Variants in CSMD1 observed in about 807,000 individuals in gnomAD.
CSMD1 encodes CUB and sushi domain-containing protein 1.
A neutral mutation model predicts 417.5 loss-of-function variants in CSMD1; 213 were observed. The observed-to-expected ratio is 0.51, with a 90% CI of 0.46 to 0.57. The LOEUF is 0.57. CSMD1 is among the 20% of genes least tolerant of loss of function. The pLI is 0.00. For synonymous variants in CSMD1, 2,862 were observed against 1,736.8 expected, an observed-to-expected ratio of 1.65 and a Z score of -16.11; for missense variants, 6,923 against 4,529.7, an observed-to-expected ratio of 1.53 and a Z score of -15.17.
At chr8:4,661,462 T>G (rs182795934) in intron 1 of CSMD1, among the ~76,000 whole-genome samples, 73 of 152,250 alleles carry the variant, frequency 4.8e-4, no homozygotes, top group African/African-American at 1.7e-3. Flanking sequence ...GGAGAACAGA[T>G]TATTCATTGC....
chr8:4,483,947 G>T (rs1050306410), intron 2 of CSMD1, among the ~76,000 whole-genome samples: 17 of 152,230 alleles, frequency 1.1e-4, no homozygotes, highest in African/African-American at 4.1e-4. Flanking sequence ...TAATGTCGTT[G>T]TCTCTCATTG....
At chr8:4,053,678 A>C (rs189541061) in intron 3 of CSMD1, among the ~76,000 whole-genome samples, 1 of 152,202 alleles carries the variant, frequency 6.6e-6, no homozygotes, top group East Asian at 1.9e-4. Flanking sequence ...CAAAAATAGC[A>C]GGTTAAAATC....
rs1563200912 is a variant in CSMD1, at chr8:2,978,620, T to C, written c.8558A>G (p.Lys2853Arg). ...GAATAACCCTGACTTACCCAAACAC[T>C]TGGGCAGGGATCGGTCCCATAAGCC... ...ANGLWDRSLP[K>R]CLAISCGHPG... The change falls in exon 55 of 70, where the codon AAG becomes AGG. Residue 2853 changes from lysine (K) to arginine (R), a missense_variant. Lys to Arg is a conservative substitution (Grantham distance 26). Transcript: ENST00000635120. 2.5e-6 allele frequency: 4 copies of C among 1,588,912 alleles called. No homozygotes were observed. The highest frequency in any genetic ancestry group is 4.5e-5 in the East Asian group (2 of 43,990).
chr8:4,508,305 A>G (rs1802640327), intron 2 of CSMD1, among the ~76,000 whole-genome samples: 1 of 152,132 alleles, frequency 6.6e-6, no homozygotes, highest in Non-Finnish European at 1.5e-5. Context: ...AAAGATAAAG[A>G]TGATATGTTT....
chr8:4,626,934 T>G (rs1292389121), intron 2 of CSMD1, among the ~76,000 whole-genome samples: 1 of 152,280 alleles, frequency 6.6e-6, no homozygotes, highest in East Asian at 1.9e-4. Flanking sequence ...ATAAACAAAG[T>G]GCATCAGATT....
intron 1 of CSMD1, among the ~76,000 whole-genome samples, chr8:4,793,259 A>G (rs1250756930): frequency 3.9e-5 from 6 of 152,170 alleles, no homozygotes; most frequent in Non-Finnish European, 7.3e-5. Context: ...ACAAGACCTA[A>G]TCTATGTATT....
chr8:3,320,379 C>T (rs866517085), intron 23 of CSMD1, among the ~76,000 whole-genome samples: 3 of 152,116 alleles, frequency 2.0e-5, no homozygotes, highest in Admixed American at 6.5e-5. Flanking sequence ...TTGGCTCCCC[C>T]ATGCTGTAGC....
In CSMD1 at chr8:3,734,430, G is replaced by A. The variant is rs1038847679; in HGVS notation, c.931+19500C>T. Among the ~76,000 whole-genome samples the A allele has an allele frequency of 3.0e-4, 45 of 152,200 alleles. 1 individual carries two copies. The highest frequency in any genetic ancestry group is 1.0e-4 in the Non-Finnish European group (7 of 68,048). On this transcript the variant is annotated intron_variant, in intron 6 of 69. Coordinates refer to ENST00000635120, the MANE Select transcript of CSMD1 (RefSeq NM_033225.6). ...GCTCAATTTAAAATACAGAAACTCT[G>A]CCAGGTGCGATGGCTCACGCCTGTA...
At chr8:4,185,473 C>G (rs868548719) in intron 3 of CSMD1, among the ~76,000 whole-genome samples, 4 of 152,090 alleles carry the variant, frequency 2.6e-5, no homozygotes, top group Non-Finnish European at 4.4e-5. Flanking sequence ...CATACAGACT[C>G]AATACAGATC....
At chr8:3,365,455 T>G (rs35343399) in intron 20 of CSMD1, among the ~76,000 whole-genome samples, 3,291 of 152,310 alleles carry the variant, frequency 0.022, 47 homozygotes, top group Middle Eastern at 0.068. Flanking sequence ...AATTGTGAAG[T>G]TCTTATTACA....
intron 2 of CSMD1, among the ~76,000 whole-genome samples, chr8:4,599,363 AAT>A (rs770436471): frequency 6.7e-6 from 1 of 149,282 alleles, no homozygotes. Flanking sequence ...ACCCTGGAAG[AAT>A]TTTTTTTTTT....
Position 3,284,198 on chromosome 8 carries a change from G to A in CSMD1, c.4099C>T (p.Gln1367Ter). Residue 1367 changes from glutamine (Q) to a stop codon, truncating the protein, a stop_gained, in exon 26 of 70, where the codon CAG becomes TAG. Transcript: ENST00000635120. LOFTEE classifies it high-confidence loss of function. Reference protein sequence around the residue: ...IHSTFNSLTLQFDSDFFISKS... With the variant: ...IHSTFNSLTL ...CTGATGAAGAAGTCGCTGTCGAACT[G>A]CAGGGTGAGTGAGTTGAAGGTGCTG... 6.2e-7 allele frequency: 1 copy of A among 1,605,754 alleles called. No homozygotes were observed. The highest frequency in any genetic ancestry group is 8.5e-7 in the Non-Finnish European group (1 of 1,176,238).
At chr8:4,788,726 T>A (rs373781512) in intron 1 of CSMD1, 3 of 453,280 alleles carry the variant, frequency 6.6e-6, no homozygotes, top group Non-Finnish European at 1.2e-5. Context: ...CTTCTCTAGA[T>A]CCATACTAAT....
intron 50 of CSMD1, among the ~76,000 whole-genome samples, chr8:3,036,141 A>C (rs552351846): frequency 6.6e-6 from 1 of 152,340 alleles, no homozygotes; most frequent in South Asian, 2.1e-4. Flanking sequence ...AATACTTTGC[A>C]TTTTACTTAA....
At chr8:3,619,789 G>A (rs1278581919) in intron 7 of CSMD1, among the ~76,000 whole-genome samples, 3 of 152,120 alleles carry the variant, frequency 2.0e-5, no homozygotes, top group Non-Finnish European at 4.4e-5. Flanking sequence ...AGAAAGCAAT[G>A]GATAGGCTGG....
At chr8:4,326,902 G>C (rs1799592959) in intron 3 of CSMD1, among the ~76,000 whole-genome samples, 1 of 152,150 alleles carries the variant, frequency 6.6e-6, no homozygotes, top group South Asian at 2.1e-4. Context: ...CCATGTATAG[G>C]AGGAAAAGTA....
intron 12 of CSMD1, among the ~76,000 whole-genome samples, chr8:3,444,535 G>A (rs1355691919): frequency 6.6e-6 from 1 of 152,096 alleles, no homozygotes; most frequent in African/African-American, 2.4e-5. Context: ...AATGTCTGGA[G>A]GCATTGGTAT....
chr8:4,666,274 A>G (rs1804924055), intron 1 of CSMD1, among the ~76,000 whole-genome samples: 1 of 152,174 alleles, frequency 6.6e-6, no homozygotes, highest in Admixed American at 6.5e-5. Flanking sequence ...GGTTGCTAAT[A>G]AGCTAACCTT....
intron 1 of CSMD1, among the ~76,000 whole-genome samples, chr8:4,671,510 A>G (rs978725670): frequency 3.3e-5 from 5 of 152,214 alleles, no homozygotes; most frequent in Non-Finnish European, 7.3e-5. Flanking sequence ...TGATGTCGGC[A>G]AAGTGTGACT....
Sources: gnomAD v4.1 joint callset for allele counts (sites outside exome capture counted in the v4.1 genomes callset) on GRCh38, gnomAD v4.1.1 for gene constraint, MANE v1.5 for transcripts, NCBI Gene and HGNC (gene_info 2026-07-23, HGNC 2026-07-21) for gene names.